The following ZFHX3 variants were observed in gnomAD, a reference collection of about 807,000 sequenced individuals.
ZFHX3 encodes the protein zinc finger homeobox protein 3.
In ZFHX3, 42 loss-of-function variants were observed where a neutral mutation model predicts 279.1. That is an observed-to-expected ratio of 0.15 (90% CI 0.12 to 0.19). The LOEUF (loss-of-function observed/expected upper bound fraction) is 0.19, where lower values mean the gene tolerates loss of function less well. Among genes scored for constraint, ZFHX3 ranks in the 10% least tolerant of loss-of-function variants. The probability of loss-of-function intolerance (pLI) is 1.00; values close to 1 mark genes in which losing one functional copy is unlikely to be tolerated. For synonymous variants in ZFHX3, 2,293 were observed against 1,957.8 expected (o/e 1.17, Z -4.52); for missense variants, 4,981 against 4,754.0 (o/e 1.05, Z -1.40).
At chr16:72,918,114 A>C (rs2144221138) in intron 3 of ZFHX3, among the ~76,000 whole-genome samples, 1 of 152,348 alleles carries the variant, frequency 6.6e-6, no homozygotes, top group East Asian at 1.9e-4. Flanking sequence ...TATATCAAGG[A>C]AAGGGACAGA....
At chr16:73,389,486 A>G (rs557174880) in intron 3 of ZFHX3, among the ~76,000 whole-genome samples, 23 of 152,342 alleles carry the variant, frequency 1.5e-4, no homozygotes, top group Non-Finnish European at 2.8e-4. Flanking sequence ...TACCTCTTAG[A>G]GTCATGGAGC....
At chr16:73,691,810 T>A (rs35290731) in intron 1 of ZFHX3, among the ~76,000 whole-genome samples, 1 of 151,978 alleles carries the variant, frequency 6.6e-6, no homozygotes, top group Non-Finnish European at 1.5e-5. Flanking sequence ...TCACTTGTTC[T>A]TCATTAATTT....
intron 2 of ZFHX3, among the ~76,000 whole-genome samples, chr16:73,615,005 C>A (rs907148992): frequency 6.6e-6 from 1 of 151,952 alleles, no homozygotes; most frequent in African/African-American, 2.4e-5. Flanking sequence ...AGCAATGCAC[C>A]CACGTCGGCC....
At chr16:73,035,729 TACAAA>T (rs1249994639) in intron 1 of ZFHX3, among the ~76,000 whole-genome samples, 1 of 151,926 alleles carries the variant, frequency 6.6e-6, no homozygotes, top group African/African-American at 2.4e-5. Context: ...CTACTAAAAA[TACAAA>T]ACAAAACAAA....
chr16:73,869,049 C>T (rs1289009428), intron 1 of ZFHX3, among the ~76,000 whole-genome samples: 10 of 152,144 alleles, frequency 6.6e-5, no homozygotes, highest in Non-Finnish European at 1.5e-4. Flanking sequence ...AGTGCTCTGG[C>T]GGGATTTGTC....
In ZFHX3 at chr16:73,459,365, G is replaced by GT. The variant is rs528968570; in HGVS notation, c.-1546-3108dup. On this transcript the variant is annotated intron_variant, in intron 2 of 17. Transcript: ENST00000641206. ...GGAAAGAGGTTGTCTTTTTGTTGTTGTTTTTTTTTCTGAGATGGATGGAGT... is the reference window on the plus strand; with the variant it reads ...GGAAAGAGGTTGTCTTTTTGTTGTTGTTTTTTTTTTCTGAGATGGATGGAGT... Among the ~76,000 whole-genome samples the GT allele has an allele frequency of 3.9e-4, 59 of 150,784 alleles. 1 individual carries two copies. Among genetic ancestry groups the GT allele is most frequent in the East Asian group, 1.4e-3 (7 of 5,134 alleles).
At chr16:73,175,498 A>G (rs1486462085) in intron 5 of ZFHX3, among the ~76,000 whole-genome samples, 2 of 152,154 alleles carry the variant, frequency 1.3e-5, no homozygotes, top group Admixed American at 6.5e-5. Flanking sequence ...CCTCATTTTC[A>G]TCACCAGTAG....
intron 2 of ZFHX3, among the ~76,000 whole-genome samples, chr16:73,642,099 G>A (rs553128841): frequency 6.6e-6 from 1 of 152,202 alleles, no homozygotes; most frequent in African/African-American, 2.4e-5. Flanking sequence ...CCGTGGCCTC[G>A]AGGACATCAG....
intron 5 of ZFHX3, among the ~76,000 whole-genome samples, chr16:73,193,654 G>A (rs1968087966): frequency 6.6e-6 from 1 of 152,170 alleles, no homozygotes; most frequent in South Asian, 2.1e-4. Context: ...CTGTCTGGGA[G>A]GAGCCTTTAG....
intron 1 of ZFHX3, among the ~76,000 whole-genome samples, chr16:73,734,832 C>T (rs1353795026): frequency 6.6e-6 from 1 of 151,980 alleles, no homozygotes; most frequent in East Asian, 1.9e-4. Flanking sequence ...TGAATATGTA[C>T]AAAGAATAAT....
At chr16:73,251,854 CCG>C (rs2013506740) in intron 5 of ZFHX3, among the ~76,000 whole-genome samples, 16 of 131,428 alleles carry the variant, frequency 1.2e-4, no homozygotes, top group East Asian at 2.3e-4. Flanking sequence ...CACATACACA[CCG>C]CACACACGCA....
chr16:73,212,723 G>A (rs2012062639), intron 5 of ZFHX3, among the ~76,000 whole-genome samples: 2 of 152,132 alleles, frequency 1.3e-5, no homozygotes, highest in South Asian at 2.1e-4. Flanking sequence ...TATGTGACTC[G>A]TGACTCTAAA....
chr16:73,377,824 G>C (rs2016747788), intron 3 of ZFHX3, among the ~76,000 whole-genome samples: 1 of 151,258 alleles, frequency 6.6e-6, no homozygotes, highest in African/African-American at 2.4e-5. Flanking sequence ...ACGAGGTCAG[G>C]AGATTGAGAT....
At chr16:73,370,979 T>G (rs976480632) in intron 3 of ZFHX3, among the ~76,000 whole-genome samples, 1 of 152,158 alleles carries the variant, frequency 6.6e-6, no homozygotes, top group Non-Finnish European at 1.5e-5. Context: ...TTTGAGATAA[T>G]GCTCTCCTGA....
chr16:73,711,566 C>T (rs964179500), intron 1 of ZFHX3, among the ~76,000 whole-genome samples: 2 of 152,030 alleles, frequency 1.3e-5, no homozygotes. Flanking sequence ...AAGAAGCAGT[C>T]TTCTGAAGTG....
At chr16:73,150,092 A>G (rs1055347137) in intron 5 of ZFHX3, among the ~76,000 whole-genome samples, 2 of 152,130 alleles carry the variant, frequency 1.3e-5, no homozygotes, top group African/African-American at 4.8e-5. Flanking sequence ...GGGGAGTTAC[A>G]TTTTCCACCA....
chr16:73,444,970 A>C (rs868310667), intron 3 of ZFHX3, among the ~76,000 whole-genome samples: 11 of 150,668 alleles, frequency 7.3e-5, no homozygotes, highest in Non-Finnish European at 1.6e-4. Context: ...AAAAAAAAAA[A>C]AAAAAAAAAA....
chr16:73,547,030 G>C (rs1439199981), intron 2 of ZFHX3, among the ~76,000 whole-genome samples: 1 of 152,116 alleles, frequency 6.6e-6, no homozygotes, highest in East Asian at 1.9e-4. Context: ...GCAAAAGCAG[G>C]CACCTCATCT....
intron 1 of ZFHX3, among the ~76,000 whole-genome samples, chr16:73,705,951 G>A (rs78614937): frequency 6.6e-6 from 1 of 152,088 alleles, no homozygotes; most frequent in East Asian, 1.9e-4. Context: ...ACTCTTGTAA[G>A]GGCCTCCTGA....
Sources: allele counts gnomAD v4.1 joint callset (sites outside exome capture counted in the v4.1 genomes callset), GRCh38; gene constraint gnomAD v4.1.1; transcripts MANE v1.5; gene names NCBI Gene and HGNC (gene_info 2026-07-23, HGNC 2026-07-21).